Variants in ACAN observed in about 807,000 individuals in gnomAD.
ACAN encodes the protein aggrecan, also known as aggrecan core protein.
Under a neutral mutation model 169.1 loss-of-function variants are expected in ACAN, and 47 were observed. The observed-to-expected ratio is 0.28, with a 90% CI of 0.22 to 0.35. ACAN has a LOEUF of 0.35. Ranked by LOEUF, ACAN falls within the 10% of genes least tolerant of loss-of-function variation. ACAN has a pLI of 1.00. For missense variants in ACAN, 2,716 were observed against 2,759.9 expected, an observed-to-expected ratio of 0.98 and a Z score of 0.36; for synonymous variants, 1,115 against 1,112.2, an observed-to-expected ratio of 1.00 and a Z score of -0.05.
chr15:88,847,323 G>T lies in ACAN; in HGVS notation c.1510G>T (p.Gly504Trp), dbSNP rs924521785. Reference sequence around the variant, plus strand: ...GGCACAGCAGGCCTGCCTGCGCACGGGGGCGGTCATTGCCTCGCCGGAGCA... The same window carrying T: ...GGCACAGCAGGCCTGCCTGCGCACGTGGGCGGTCATTGCCTCGCCGGAGCA... Reference protein sequence around the residue: ...EEAQQACLRTGAVIASPEQLQ... With the variant: ...EEAQQACLRTWAVIASPEQLQ... Residue 504 changes from glycine (G) to tryptophan (W), a missense_variant, in exon 8 of 19, where the codon GGG becomes TGG. This residue lies in a region of ACAN where 1,283 missense variants were observed against 1,281.5 expected (regional missense o/e 1.00). Transcript: ENST00000560601. 9 of 1,579,730 alleles carry T rather than the reference G, an allele frequency of 5.7e-6. No individual in the cohort carries two copies. In the African/African-American group the frequency reaches 1.2e-4, roughly 21 times the overall value.
intron 13 of ACAN, 50 bp downstream of exon 13, chr15:88,860,489 C>T: frequency 1.3e-6 from 2 of 1,522,496 alleles, no homozygotes; most frequent in Non-Finnish European, 1.8e-6. Flanking sequence ...GCTGGACAGA[C>T]TTCTTCATCC....
rs1167530063 is a variant in ACAN at position 88,814,924 on chromosome 15, T to G, written c.-8+11115T>G. Among the ~76,000 whole-genome samples the G allele has an allele frequency of 6.6e-6, 1 of 151,888 alleles. No homozygotes were observed. Among genetic ancestry groups the G allele is most frequent in the East Asian group, 1.9e-4 (1 of 5,158 alleles). ...GGACTAGGGAGTGGGGAATCCTAAA[T>G]GTACCAGAAGAACCTTTGGTGGTTC... On this transcript the variant is annotated intron_variant, in intron 1 of 18. Transcript: ENST00000560601. The surrounding 1 kb of genome is among the most constrained non-coding windows in gnomAD (Gnocchi z 4.0).
intron 1 of ACAN, among the ~76,000 whole-genome samples, chr15:88,824,420 T>A (rs1394240042): frequency 6.6e-6 from 1 of 152,192 alleles, no homozygotes; most frequent in East Asian, 1.9e-4. Context: ...ATTCATTCAT[T>A]CAACAAATAC....
chr15:88,841,403 A>T (rs1277601561), intron 4 of ACAN, among the ~76,000 whole-genome samples: 1 of 152,208 alleles, frequency 6.6e-6, no homozygotes, highest in Non-Finnish European at 1.5e-5. Context: ...ACCCATTTGC[A>T]TATCTGTGGG....
chr15:88,825,627 C>T (rs774834929), intron 1 of ACAN, among the ~76,000 whole-genome samples: 3 of 152,158 alleles, frequency 2.0e-5, no homozygotes, highest in African/African-American at 4.8e-5. Flanking sequence ...TGAAGAACAG[C>T]GTATCTCTTG....
At position 88,851,345 on chromosome 15, in the gene ACAN, A is replaced by G. The variant is rs894703822; in HGVS notation, c.2027-449A>G. 6.3e-6 allele frequency: 1 copy of G among 157,670 alleles called. No homozygotes were observed. Among genetic ancestry groups the G allele is most frequent in the Non-Finnish European group, 1.4e-5 (1 of 71,486 alleles). 9.8% of individuals were successfully genotyped at this position (157,670 alleles called of 1,614,324 possible). A position where few individuals can be genotyped will look rare whatever the true frequency, so the allele number is the denominator to read the frequency against. The stretch of plus-strand genomic sequence containing the variant: ...TAATCCCTGTCCCCCAAGGTTGTTC[A>G]GTAGTTGAGAGCGTGGAGTCTGGTA... On this transcript the variant is annotated intron_variant, in intron 10 of 18. Coordinates refer to ENST00000560601, the MANE Select transcript of ACAN (RefSeq NM_001369268.1). The surrounding 1 kb of genome is among the most constrained non-coding windows in gnomAD (Gnocchi z 4.3).
At position 88,811,062 on chromosome 15, in the gene ACAN, G is replaced by A. The variant is rs74876931; in HGVS notation, c.-8+7253G>A. Among the ~76,000 whole-genome samples the A allele has an allele frequency of 2.8e-3, 428 of 152,284 alleles. 10 individuals are homozygous for A. The South Asian group carries it at 0.047, about 17-fold the overall frequency. On this transcript the variant is annotated intron_variant, in intron 1 of 18. Transcript: ENST00000560601. ...TGTCTTCACTTCCCTGCCTGAGACA[G>A]GGGCCCTTCCTCCCTTGGTTCTCCA...
chr15:88,857,513 C>T lies in ACAN; in HGVS notation c.4928C>T (p.Pro1643Leu), dbSNP rs1567186499. 2 of 1,613,922 alleles carry T rather than the reference C, an allele frequency of 1.2e-6. No homozygotes were observed. The highest frequency in any genetic ancestry group is 1.7e-6 in the Non-Finnish European group (2 of 1,179,890). The change falls in exon 12 of 19, where the codon CCC (proline) becomes CTC (leucine). Residue 1643 changes from proline (P) to leucine (L), a missense_variant. By Grantham distance (98) the Pro-to-Leu change is moderately conservative. Coordinates refer to ENST00000560601, the MANE Select transcript of ACAN (RefSeq NM_001369268.1). ...YSGVDLGSGP[P>L]SGLPDFSGLP... ...GGGGTGGACCTTGGAAGTGGCCCAC[C>T]CTCTGGCCTGCCTGACTTTAGTGGA...
intron 5 of ACAN, among the ~76,000 whole-genome samples, chr15:88,842,506 GCCCAT>G (rs368330567): frequency 4.9e-5 from 2 of 40,584 alleles, no homozygotes; most frequent in African/African-American, 8.9e-5. Flanking sequence ...CTCCCTCCCT[GCCCAT>G]CCCCCCTCCC....
At chr15:88,863,072 A>G (rs1053522884) in intron 13 of ACAN, among the ~76,000 whole-genome samples, 3 of 151,928 alleles carry the variant, frequency 2.0e-5, no homozygotes, top group Non-Finnish European at 4.4e-5. Flanking sequence ...AAAATGCAGC[A>G]TGATTCCTGC....
At chr15:88,852,759 C>G (rs1229226633) in intron 11 of ACAN, among the ~76,000 whole-genome samples, 1 of 152,204 alleles carries the variant, frequency 6.6e-6, no homozygotes, top group Non-Finnish European at 1.5e-5. Flanking sequence ...CAGAGCCTCC[C>G]CCCACTCCCA....
chr15:88,873,132 C>A lies in ACAN; in HGVS notation c.7447+107C>A. The stretch of plus-strand genomic sequence containing the variant: ...GGGTGAGTCCCTTGTCTTCTGGCTG[C>A]TGGTGTCTCCTCACTTGTCCAAAAG... On this transcript the variant is annotated intron_variant, in intron 17 of 18. Coordinates refer to ENST00000560601, the MANE Select transcript of ACAN (RefSeq NM_001369268.1). This position sits in a 1 kb window ranked among gnomAD's most constrained non-coding sequence, Gnocchi z 7.5. The A allele has an allele frequency of 7.2e-7, 1 of 1,390,350 alleles. No individual in the cohort carries two copies. The highest frequency in any genetic ancestry group is 9.7e-7 in the Non-Finnish European group (1 of 1,030,182). The allele number at this position is 1,390,350 out of a possible 1,614,324, so 86.1% of individuals were successfully genotyped here.
chr15:88,809,117 C>A (rs1895757797), intron 1 of ACAN, among the ~76,000 whole-genome samples: 1 of 152,158 alleles, frequency 6.6e-6, no homozygotes, highest in African/African-American at 2.4e-5. Context: ...AAAATGGCAA[C>A]TGTTATTAGT....
intron 4 of ACAN, among the ~76,000 whole-genome samples, chr15:88,841,520 G>C (rs542181959): frequency 6.6e-6 from 1 of 152,186 alleles, no homozygotes; most frequent in South Asian, 2.1e-4. Flanking sequence ...GCCCCTGATA[G>C]AGAAAGTGTG....
Position 88,845,571 on chromosome 15 carries a change from A to T in ACAN, c.1118A>T (p.Gln373Leu), listed in dbSNP as rs1356248639. ...GGGGGTGAGGAGGACATCACCGTCCAGACAGTGACCTGGCCTGACATGGAG... is the reference window on the plus strand; with the variant it reads ...GGGGGTGAGGAGGACATCACCGTCCTGACAGTGACCTGGCCTGACATGGAG... Reference protein sequence around the residue: ...GVGGEEDITVQTVTWPDMELP... With the variant: ...GVGGEEDITVLTVTWPDMELP... The change falls in exon 7 of 19, where the codon CAG (glutamine) becomes CTG (leucine). Residue 373 changes from glutamine to leucine, a missense_variant. Gln to Leu is a moderately radical substitution (Grantham distance 113, BLOSUM62 -2). This residue lies in a region of ACAN where 1,283 missense variants were observed against 1,281.5 expected (regional missense o/e 1.00). Transcript: ENST00000560601. 2.5e-6 allele frequency: 4 copies of T among 1,614,024 alleles called. No homozygotes were observed. In the South Asian group the frequency reaches 4.4e-5, roughly 18 times the overall value.
chr15:88,804,243 G>C (rs942450688), intron 1 of ACAN, among the ~76,000 whole-genome samples: 3 of 152,208 alleles, frequency 2.0e-5, no homozygotes, highest in African/African-American at 7.2e-5. Context: ...TTGGCCTGCC[G>C]TCTGTCAGCT....
intron 11 of ACAN, among the ~76,000 whole-genome samples, chr15:88,852,239 T>C (rs889396737): frequency 6.6e-6 from 1 of 152,198 alleles, no homozygotes; most frequent in Admixed American, 6.5e-5. Context: ...AACAGCCTTG[T>C]CCATAAAATT....
At chr15:88,859,630 A>G (rs1162267031) in intron 12 of ACAN, among the ~76,000 whole-genome samples, 2 of 152,258 alleles carry the variant, frequency 1.3e-5, no homozygotes, top group Non-Finnish European at 2.9e-5. Context: ...GGCAGAACAT[A>G]AACATAGATA....
intron 1 of ACAN, among the ~76,000 whole-genome samples, chr15:88,816,500 A>G (rs1895945746): frequency 2.0e-5 from 3 of 152,252 alleles, no homozygotes; most frequent in Admixed American, 2.0e-4. Context: ...TGGTGTGCAC[A>G]TACTTCACAC....
Sources: gnomAD v4.1 joint callset for allele counts (sites outside exome capture counted in the v4.1 genomes callset) on GRCh38, gnomAD v4.1.1 for gene constraint, gnomAD v4.1.1 regional missense constraint, Gnocchi (gnomAD v3.1) non-coding constraint, MANE v1.5 for transcripts, NCBI Gene and HGNC (gene_info 2026-07-23, HGNC 2026-07-21) for gene names.